Variants in LRMDA observed in about 807,000 individuals in gnomAD.
LRMDA encodes leucine-rich melanocyte differentiation-associated protein.
In LRMDA, 18 loss-of-function variants were observed where a neutral mutation model predicts 29.8. The ratio of observed to expected loss-of-function variants is 0.60; its 90% CI spans 0.42 to 0.90. The LOEUF (loss-of-function observed/expected upper bound fraction) is 0.90, where lower values mean the gene tolerates loss of function less well. Ranked by LOEUF, LRMDA falls within the 40% of genes least tolerant of loss-of-function variation. The pLI, the probability that LRMDA is intolerant of heterozygous loss-of-function variation, is 0.00. For missense variants in LRMDA, 273 were observed against 273.9 expected (o/e 1.00, Z 0.02); for synonymous variants, 125 against 109.4 (o/e 1.14, Z -0.89).
chr10:76,251,357 A>C (rs1173490090), intron 5 of LRMDA, among the ~76,000 whole-genome samples: 1 of 144,772 alleles, frequency 6.9e-6, no homozygotes, highest in Non-Finnish European at 1.5e-5. Flanking sequence ...GGTTCACGCC[A>C]TTCTCCTGCC....
At chr10:76,115,894 G>C (rs1381869464) in intron 5 of LRMDA, among the ~76,000 whole-genome samples, 1 of 152,142 alleles carries the variant, frequency 6.6e-6, no homozygotes, top group African/African-American at 2.4e-5. Context: ...ACCTTTCTCT[G>C]ATCCAAGCAG....
At chr10:76,528,419 C>G (rs927909128) in intron 6 of LRMDA, among the ~76,000 whole-genome samples, 5 of 152,094 alleles carry the variant, frequency 3.3e-5, no homozygotes, top group African/African-American at 4.8e-5. Flanking sequence ...TGCATCCATA[C>G]AACATATGGA....
intron 2 of LRMDA, among the ~76,000 whole-genome samples, chr10:75,805,693 A>G (rs765374710): frequency 1.3e-5 from 2 of 152,118 alleles, no homozygotes; most frequent in South Asian, 2.1e-4. Flanking sequence ...TGTGGGCACT[A>G]TTACTATCAA....
chr10:75,998,219 A>G (rs901065755), intron 2 of LRMDA, among the ~76,000 whole-genome samples: 1 of 151,796 alleles, frequency 6.6e-6, no homozygotes, highest in African/African-American at 2.4e-5. Context: ...GCCTCAGTGG[A>G]CCCCTTTGTA....
chr10:76,549,412 C>T (rs1036113884), intron 6 of LRMDA, among the ~76,000 whole-genome samples: 1 of 152,166 alleles, frequency 6.6e-6, no homozygotes, highest in Non-Finnish European at 1.5e-5. Context: ...TCTGTCCTCT[C>T]CCAGTGGAAA....
chr10:75,431,928 C>T (rs528442304), intron 1 of LRMDA, among the ~76,000 whole-genome samples, 174 bp downstream of exon 1: 7 of 152,250 alleles, frequency 4.6e-5, no homozygotes, highest in South Asian at 2.1e-4. Context: ...GGACAGACCT[C>T]GTTTCGGGCC....
intron 2 of LRMDA, among the ~76,000 whole-genome samples, chr10:75,581,677 C>T (rs371583791): frequency 1.8e-4 from 27 of 150,532 alleles, no homozygotes; most frequent in East Asian, 1.2e-3. Flanking sequence ...TCTCAGCGAA[C>T]ACAAGAACAG....
chr10:75,841,877 G>T (rs1309975640), intron 2 of LRMDA, among the ~76,000 whole-genome samples: 1 of 152,178 alleles, frequency 6.6e-6, no homozygotes, highest in African/African-American at 2.4e-5. Flanking sequence ...AGCTTAGATG[G>T]CTGTAGTACA....
At chr10:75,512,570 CTGTT>C (rs1456492831) in intron 2 of LRMDA, among the ~76,000 whole-genome samples, 2 of 152,114 alleles carry the variant, frequency 1.3e-5, no homozygotes, top group African/African-American at 4.8e-5. Context: ...GATTTATGTG[CTGTT>C]TGTTTTAGGA....
Position 75,581,481 on chromosome 10 carries a change from G to T in LRMDA, c.131+142987G>T, listed in dbSNP as rs145100617. 1.3e-3 allele frequency among the ~76,000 whole-genome samples: 204 copies of T among 152,258 alleles called. 3 individuals are homozygous for T. The highest frequency in any genetic ancestry group is 1.4e-3 in the East Asian group (7 of 5,182). ...ACACTGTTGGTGGAAGTGTAAATTA[G>T]TTCAACCATTGTGGAAGACAGTGTG... On this transcript the variant is annotated intron_variant, in intron 2 of 6. Coordinates refer to ENST00000611255, the MANE Select transcript of LRMDA (RefSeq NM_001305581.2).
intron 6 of LRMDA, among the ~76,000 whole-genome samples, chr10:76,366,359 C>G (rs1239453754): frequency 6.6e-6 from 1 of 152,118 alleles, no homozygotes; most frequent in Admixed American, 6.6e-5. Context: ...AATATTGATT[C>G]TACCCATCCA....
intron 6 of LRMDA, among the ~76,000 whole-genome samples, chr10:76,501,309 A>G (rs1020971927): frequency 4.6e-5 from 7 of 151,940 alleles, no homozygotes; most frequent in Non-Finnish European, 8.8e-5. Context: ...TGTCTTTGGT[A>G]TTGTGAATGG....
chr10:76,506,120 T>C (rs749655163), intron 6 of LRMDA, among the ~76,000 whole-genome samples: 5 of 152,232 alleles, frequency 3.3e-5, no homozygotes, highest in African/African-American at 4.8e-5. Context: ...TTTTGACTCT[T>C]GGTATTTTCT....
chr10:76,505,485 A>G (rs1452937585), intron 6 of LRMDA, among the ~76,000 whole-genome samples: 1 of 151,992 alleles, frequency 6.6e-6, no homozygotes, highest in Non-Finnish European at 1.5e-5. Flanking sequence ...AAAAATTTTT[A>G]TCTGAGTTTA....
In LRMDA at chr10:75,737,065, A is replaced by G. The variant is rs542432585; in HGVS notation, c.131+298571A>G. Among the ~76,000 whole-genome samples the G allele has an allele frequency of 2.7e-3, 414 of 151,808 alleles. 1 individual carries two copies. Among genetic ancestry groups the G allele is most frequent in the African/African-American group, 9.0e-3 (374 of 41,396 alleles). The stretch of plus-strand genomic sequence containing the variant: ...CACACACATGCACGCACGCACGCAC[A>G]CACACACACACACGCACATGCATGC... On this transcript the variant is annotated intron_variant, in intron 2 of 6. Transcript: ENST00000611255.
chr10:76,165,952 G>C (rs143100840), intron 5 of LRMDA, among the ~76,000 whole-genome samples: 1 of 152,282 alleles, frequency 6.6e-6, no homozygotes, highest in African/African-American at 2.4e-5. Flanking sequence ...GGGTAGGTTG[G>C]TGAACAAACA....
chr10:76,326,848 G>C (rs945222120), intron 6 of LRMDA, among the ~76,000 whole-genome samples: 4 of 152,118 alleles, frequency 2.6e-5, no homozygotes, highest in African/African-American at 9.7e-5. Flanking sequence ...TTTTCCATCT[G>C]TTGCTTGTAG....
At chr10:75,768,588 A>G (rs1843198601) in intron 2 of LRMDA, among the ~76,000 whole-genome samples, 1 of 152,188 alleles carries the variant, frequency 6.6e-6, no homozygotes, top group African/African-American at 2.4e-5. Flanking sequence ...GTAGCATCAG[A>G]CACATTGGTA....
chr10:75,559,907 C>A (rs1338416395), intron 2 of LRMDA, among the ~76,000 whole-genome samples: 1 of 113,102 alleles, frequency 8.8e-6, no homozygotes, highest in African/African-American at 2.6e-5. Flanking sequence ...TGTTTTGGTA[C>A]CAGTACCATG....
Sources: allele counts gnomAD v4.1 joint callset (sites outside exome capture counted in the v4.1 genomes callset), GRCh38; gene constraint gnomAD v4.1.1; transcripts MANE v1.5; gene names NCBI Gene and HGNC (gene_info 2026-07-23, HGNC 2026-07-21).